PTPRT: variants seen among roughly 807,000 people sequenced by gnomAD.
The protein encoded by PTPRT is receptor-type tyrosine-protein phosphatase T.
A neutral mutation model predicts 176.8 loss-of-function variants in PTPRT; 56 were observed. That is an observed-to-expected ratio of 0.32 (90% CI 0.26 to 0.40). The LOEUF (loss-of-function observed/expected upper bound fraction) is 0.40. PTPRT is among the 10% of genes least tolerant of loss of function. The pLI is 1.00. For synonymous variants in PTPRT, 783 were observed against 739.0 expected, an observed-to-expected ratio of 1.06 and a Z score of -0.96; for missense variants, 1,540 against 1,908.2, an observed-to-expected ratio of 0.81 and a Z score of 3.60.
the PTPRT span, among the ~76,000 whole-genome samples, chr20:42,037,096 C>G: frequency 2.0e-5 from 3 of 152,168 alleles, no homozygotes; most frequent in African/African-American, 7.2e-5. Flanking sequence ...ACAGGCATCC[C>G]ACTTCTCACA....
chr20:43,170,998 C>T (rs947032275), intron 1 of PTPRT, among the ~76,000 whole-genome samples: 5 of 152,098 alleles, frequency 3.3e-5, no homozygotes, highest in African/African-American at 9.7e-5. Context: ...TTAACAGCTG[C>T]GTGACTGAGT....
At chr20:42,487,787 A>G (rs1039920898) in intron 7 of PTPRT, among the ~76,000 whole-genome samples, 1 of 152,172 alleles carries the variant, frequency 6.6e-6, no homozygotes, top group Non-Finnish European at 1.5e-5. Flanking sequence ...GTTAACTGCT[A>G]CGCTTATGGT....
chr20:42,321,395 A>G (rs550200801), intron 11 of PTPRT, among the ~76,000 whole-genome samples: 2 of 152,344 alleles, frequency 1.3e-5, no homozygotes, highest in East Asian at 3.9e-4. Context: ...TTAAATGTGC[A>G]GCTACAAAAT....
intron 1 of PTPRT, among the ~76,000 whole-genome samples, chr20:43,147,134 G>C (rs2014193218): frequency 6.6e-6 from 1 of 152,080 alleles, no homozygotes. Context: ...TCCTCCTTCA[G>C]AACCTACTCG....
intron 1 of PTPRT, among the ~76,000 whole-genome samples, chr20:42,982,658 T>C (rs945873142): frequency 6.6e-5 from 10 of 152,282 alleles, no homozygotes; most frequent in Non-Finnish European, 1.3e-4. Context: ...GATGAGGCCA[T>C]GGAGGTGAGC....
chr20:42,621,465 G>C (rs1182028148), intron 7 of PTPRT, among the ~76,000 whole-genome samples: 1 of 152,168 alleles, frequency 6.6e-6, no homozygotes, highest in Non-Finnish European at 1.5e-5. Flanking sequence ...CATTCTATCA[G>C]ACTCTTGCCA....
chr20:42,197,780 A>G (rs546476430), intron 16 of PTPRT, among the ~76,000 whole-genome samples: 20 of 152,188 alleles, frequency 1.3e-4, no homozygotes, highest in Non-Finnish European at 2.9e-5. Flanking sequence ...AGCCAAGTGC[A>G]AAAGTGCAAA....
chr20:42,212,132 C>A (rs1441097982), intron 15 of PTPRT, among the ~76,000 whole-genome samples: 1 of 112,770 alleles, frequency 8.9e-6, no homozygotes. Flanking sequence ...GAATATCACA[C>A]TCTGGGAACT....
intron 2 of PTPRT, among the ~76,000 whole-genome samples, chr20:42,805,076 A>G (rs2077585967): frequency 6.6e-6 from 1 of 152,182 alleles, no homozygotes; most frequent in Non-Finnish European, 1.5e-5. Flanking sequence ...CAGTCCTAGG[A>G]GGGTTTCTGT....
At chr20:42,324,159 A>G (rs2057847133) in intron 11 of PTPRT, among the ~76,000 whole-genome samples, 2 of 152,378 alleles carry the variant, frequency 1.3e-5, no homozygotes, top group South Asian at 2.1e-4. Flanking sequence ...AATATGTGGT[A>G]TATCTATGCA....
chr20:42,735,535 TTTTA>T (rs1168875704), intron 6 of PTPRT, among the ~76,000 whole-genome samples: 1 of 152,230 alleles, frequency 6.6e-6, no homozygotes, highest in Non-Finnish European at 1.5e-5. Flanking sequence ...CAGTGTTTAT[TTTTA>T]TTTCTTTTAG....
chr20:42,065,207 A>T, the PTPRT span, among the ~76,000 whole-genome samples: 142 of 152,344 alleles, frequency 9.3e-4, 1 homozygote, highest in African/African-American at 3.3e-3. Context: ...GACCCACAAA[A>T]TTATGAAAAA....
chr20:42,677,205 C>T (rs1053419344), intron 7 of PTPRT, among the ~76,000 whole-genome samples: 4 of 151,986 alleles, frequency 2.6e-5, no homozygotes, highest in Non-Finnish European at 5.9e-5. Context: ...AGAAGCCCCT[C>T]GGAGACAATT....
chr20:42,948,255 C>T (rs1382126818), intron 1 of PTPRT, among the ~76,000 whole-genome samples: 1 of 152,210 alleles, frequency 6.6e-6, no homozygotes, highest in Non-Finnish European at 1.5e-5. Flanking sequence ...CCCAGACTAT[C>T]TCATGGCCTC....
At chr20:42,552,405 T>C (rs1421141933) in intron 7 of PTPRT, among the ~76,000 whole-genome samples, 4 of 152,158 alleles carry the variant, frequency 2.6e-5, no homozygotes, top group Admixed American at 2.6e-4. Flanking sequence ...CATTATTCAA[T>C]AGTCTTGCCA....
chr20:42,348,423 C>T (rs2145503863), intron 11 of PTPRT, among the ~76,000 whole-genome samples: 1 of 137,790 alleles, frequency 7.3e-6, no homozygotes, highest in South Asian at 2.3e-4. Flanking sequence ...AAAATGTCAC[C>T]AAAATATATC....
intron 13 of PTPRT, among the ~76,000 whole-genome samples, chr20:42,254,018 C>G (rs2146936515): frequency 6.6e-6 from 1 of 152,238 alleles, no homozygotes; most frequent in East Asian, 1.9e-4. Flanking sequence ...AAGGCATGGC[C>G]CTTGGTTTAT....
chr20:43,187,472 T>TG, intron 1 of PTPRT, among the ~76,000 whole-genome samples: 1 of 151,828 alleles, frequency 6.6e-6, no homozygotes, highest in African/African-American at 2.4e-5. Flanking sequence ...TGAGGAACCC[T>TG]GGGGAAAAAA....
chr20:42,442,534 T>A (rs1244226011), intron 9 of PTPRT, among the ~76,000 whole-genome samples: 1 of 152,216 alleles, frequency 6.6e-6, no homozygotes, highest in Non-Finnish European at 1.5e-5. Context: ...ATTAGGGTCT[T>A]CTCATTCCCT....
Sources: allele counts gnomAD v4.1 joint callset (sites outside exome capture counted in the v4.1 genomes callset), GRCh38; gene constraint gnomAD v4.1.1; transcripts MANE v1.5; gene names NCBI Gene and HGNC (gene_info 2026-07-23, HGNC 2026-07-21).